SLC39A8: variants seen among roughly 807,000 people sequenced by gnomAD.
The protein encoded by SLC39A8 is metal cation symporter ZIP8.
A neutral mutation model predicts 40.4 loss-of-function variants in SLC39A8; 15 were observed. That is an observed-to-expected ratio of 0.37 (90% CI 0.25 to 0.57). The LOEUF is 0.57. Ranked by LOEUF, SLC39A8 falls within the 20% of genes least tolerant of loss-of-function variation. The probability of loss-of-function intolerance (pLI) is 0.75; values close to 1 mark genes in which losing one functional copy is unlikely to be tolerated. For synonymous variants in SLC39A8, 223 were observed against 221.6 expected, an observed-to-expected ratio of 1.01 and a Z score of -0.06; for missense variants, 472 against 558.8, an observed-to-expected ratio of 0.84 and a Z score of 1.57.
At chr4:102,336,564 A>G (rs1237594911) in intron 2 of SLC39A8, among the ~76,000 whole-genome samples, 1 of 152,234 alleles carries the variant, frequency 6.6e-6, no homozygotes, top group Non-Finnish European at 1.5e-5. Context: ...TAAAGAAAAA[A>G]AGTCAAGGTG....
At chr4:102,341,338 A>G (rs1361308701) in intron 2 of SLC39A8, among the ~76,000 whole-genome samples, 1 of 152,210 alleles carries the variant, frequency 6.6e-6, no homozygotes, top group Non-Finnish European at 1.5e-5. Flanking sequence ...CACTATCTAC[A>G]CATAAGAACT....
At chr4:102,297,800 C>A (rs1210773466) in intron 6 of SLC39A8, among the ~76,000 whole-genome samples, 1 of 152,000 alleles carries the variant, frequency 6.6e-6, no homozygotes, top group Non-Finnish European at 1.5e-5. Context: ...TGCCTGCAGT[C>A]TCAGCTACTT....
At chr4:102,282,643 A>G (rs906347260) in intron 6 of SLC39A8, among the ~76,000 whole-genome samples, 2 of 152,114 alleles carry the variant, frequency 1.3e-5, no homozygotes, top group Non-Finnish European at 2.9e-5. Context: ...AATTAAGTAG[A>G]GAAATGAAAT....
At chr4:102,287,657 T>A (rs1449694869) in intron 6 of SLC39A8, among the ~76,000 whole-genome samples, 1 of 152,174 alleles carries the variant, frequency 6.6e-6, no homozygotes, top group Non-Finnish European at 1.5e-5. Flanking sequence ...TTTATGTCAG[T>A]AAGTTCTAGT....
In SLC39A8 at chr4:102,344,665, T is replaced by C. The variant is rs1396310070; in HGVS notation, c.-3A>G. ...GCCACCGCGCGACCCGGGGCCATCC[T>C]GGCCTGGGCTTCCCCTTGAGGGCCC... On this transcript the variant is annotated 5_prime_UTR_variant, in exon 2 of 9. Transcript: ENST00000356736. 7 of 1,501,890 alleles carry C rather than the reference T, an allele frequency of 4.7e-6. No homozygotes were observed. The highest frequency in any genetic ancestry group is 2.9e-5 in the African/African-American group (2 of 68,712). The allele number at this position is 1,501,890 out of a possible 1,614,324, so 93.0% of individuals were successfully genotyped here.
intron 6 of SLC39A8, among the ~76,000 whole-genome samples, chr4:102,292,978 A>T (rs1733519678): frequency 6.6e-6 from 1 of 152,064 alleles, no homozygotes; most frequent in South Asian, 2.1e-4. Context: ...TTTAAACTCA[A>T]ATCTACCTGA....
chr4:102,318,302 C>T (rs1255447698), intron 2 of SLC39A8, among the ~76,000 whole-genome samples: 1 of 152,130 alleles, frequency 6.6e-6, no homozygotes, highest in Non-Finnish European at 1.5e-5. Context: ...AGAGTGGCAA[C>T]TGTCCAATCA....
At chr4:102,276,888 C>T (rs759236799) in intron 6 of SLC39A8, among the ~76,000 whole-genome samples, 5 of 152,140 alleles carry the variant, frequency 3.3e-5, no homozygotes, top group Non-Finnish European at 5.9e-5. Context: ...TGACAAAAAA[C>T]ACATGATTAT....
chr4:102,342,096 A>G (rs899404948), intron 2 of SLC39A8, among the ~76,000 whole-genome samples: 1 of 152,246 alleles, frequency 6.6e-6, no homozygotes, highest in Non-Finnish European at 1.5e-5. Flanking sequence ...TGGAGCATAC[A>G]TGAATGTTGT....
chr4:102,282,003 A>G (rs1175760651), intron 6 of SLC39A8, among the ~76,000 whole-genome samples: 3 of 152,236 alleles, frequency 2.0e-5, no homozygotes, highest in Non-Finnish European at 4.4e-5. Flanking sequence ...CGCATTTTAC[A>G]TATACCATCG....
chr4:102,344,833 G>A lies in SLC39A8; in HGVS notation c.-171C>T. The stretch of plus-strand genomic sequence containing the variant: ...CTCCGACGCCTTCGAAAGAACAGCA[G>A]CTCGCGACCTGCGGGGCATTGAAGT... On this transcript the variant is annotated 5_prime_UTR_variant, in exon 2 of 9. Transcript: ENST00000356736. 4 of 1,319,110 alleles carry A rather than the reference G, an allele frequency of 3.0e-6. No homozygotes were observed. The highest frequency in any genetic ancestry group is 3.8e-6 in the Non-Finnish European group (4 of 1,039,530). The allele number at this position is 1,319,110 out of a possible 1,614,324, so 81.7% of individuals were successfully genotyped here.
intron 3 of SLC39A8, among the ~76,000 whole-genome samples, chr4:102,314,449 T>A (rs1734572310): frequency 6.6e-6 from 1 of 152,038 alleles, no homozygotes; most frequent in Non-Finnish European, 1.5e-5. Context: ...TCACACTACA[T>A]TCAGAATAAA....
At chr4:102,336,982 G>T (rs1257674570) in intron 2 of SLC39A8, among the ~76,000 whole-genome samples, 2 of 152,016 alleles carry the variant, frequency 1.3e-5, no homozygotes, top group African/African-American at 4.8e-5. Context: ...AAAATAAATT[G>T]CATTGTAAAT....
At chr4:102,257,079 A>G (rs771321211), downstream of SLC39A8, among the ~76,000 whole-genome samples, 1 of 152,202 alleles carries the variant, frequency 6.6e-6, no homozygotes, top group Non-Finnish European at 1.5e-5. Flanking sequence ...AAACTTCAAC[A>G]GTAATCCCAA....
Position 102,261,798 on chromosome 4 carries a change from G to A in SLC39A8, c.*1246C>T. 1.0e-6 allele frequency: 1 copy of A among 985,696 alleles called. No individual in the cohort carries two copies. The highest frequency in any genetic ancestry group is 1.2e-6 in the Non-Finnish European group (1 of 829,868). 61.1% of individuals were successfully genotyped at this position (985,696 alleles called of 1,614,324 possible). On this transcript the variant is annotated 3_prime_UTR_variant, in exon 9 of 9. Coordinates refer to ENST00000356736, the MANE Select transcript of SLC39A8 (RefSeq NM_001135146.2). ...TGCTGCTACATGAAAACATTTTTTG[G>A]TCTGTTGGAAAATGTAATTCCTGAG...
Position 102,262,673 on chromosome 4 carries a change from C to T in SLC39A8, c.*371G>A. 7 of 993,354 alleles carry T rather than the reference C, an allele frequency of 7.0e-6. No homozygotes were observed. The highest frequency in any genetic ancestry group is 8.4e-6 in the Non-Finnish European group (7 of 835,344). 61.5% of individuals were successfully genotyped at this position (993,354 alleles called of 1,614,324 possible). A position where few individuals can be genotyped will look rare whatever the true frequency, so the allele number is the denominator to read the frequency against. On this transcript the variant is annotated 3_prime_UTR_variant, in exon 9 of 9. Transcript: ENST00000356736. ...TCTGAAACCATTTGAATCTTTGATC[C>T]TACCATAGAGTTTTAAAGGCTTTCA... is the stretch of plus-strand genomic sequence containing the variant.
chr4:102,297,482 A>G (rs1733726579), intron 6 of SLC39A8, among the ~76,000 whole-genome samples: 3 of 152,138 alleles, frequency 2.0e-5, no homozygotes, highest in Admixed American at 2.0e-4. Flanking sequence ...GAATTAGCCA[A>G]TCTTTAGAAA....
At chr4:102,287,886 C>A (rs6826958) in intron 6 of SLC39A8, among the ~76,000 whole-genome samples, 14,800 of 152,058 alleles carry the variant, frequency 0.097, 806 homozygotes, top group South Asian at 0.17. Context: ...CCTATCTGTA[C>A]AATCAAGATA....
At chr4:102,263,405 C>T (rs1731953918) in intron 8 of SLC39A8, among the ~76,000 whole-genome samples, 1 of 152,076 alleles carries the variant, frequency 6.6e-6, no homozygotes, top group Non-Finnish European at 1.5e-5. Flanking sequence ...ATTAAGTGTG[C>T]AATAGCATAA....
Sources: allele counts gnomAD v4.1 joint callset (sites outside exome capture counted in the v4.1 genomes callset), GRCh38; gene constraint gnomAD v4.1.1; transcripts MANE v1.5; gene names NCBI Gene and HGNC (gene_info 2026-07-23, HGNC 2026-07-21).